DST: variants seen among roughly 807,000 people sequenced by gnomAD.
DST encodes the protein dystonin, also known as bullous pemphigoid antigen.
DST carries 253 observed loss-of-function variants against 875.2 expected under a neutral mutation model. The observed-to-expected ratio is 0.29, with a 90% CI of 0.26 to 0.32. The LOEUF (loss-of-function observed/expected upper bound fraction) is 0.32. Ranked by LOEUF, DST falls within the 10% of genes least tolerant of loss-of-function variation. The pLI is 1.00. For synonymous variants in DST, 3,124 were observed against 3,197.1 expected (o/e 0.98, Z 0.77); for missense variants, 8,287 against 9,111.6 (o/e 0.91, Z 3.68).
intron 103 of DST, 66 bp from the exon 104 acceptor site, chr6:56,459,333 C>T: frequency 6.7e-7 from 1 of 1,485,928 alleles, no homozygotes. Context: ...ATTTTTGAAA[C>T]CCGATGCCAC....
Position 56,536,647 on chromosome 6 carries a change from T to C in DST, c.16770+132A>G, listed in dbSNP as rs73749980. 2.9e-3 allele frequency: 2,650 copies of C among 915,550 alleles called. 54 individuals are homozygous for C. The African/African-American group carries it at 0.042, about 14-fold the overall frequency. The allele number at this position is 915,550 out of a possible 1,614,324, so 56.7% of individuals were successfully genotyped here. A position where few individuals can be genotyped will look rare whatever the true frequency, so the allele number is the denominator to read the frequency against. On this transcript the variant is annotated intron_variant, in intron 62 of 103. Coordinates refer to ENST00000680361, the MANE Select transcript of DST (RefSeq NM_001374736.1). ...CCAGTAGGCATCTGAGTTTGAGCCA[T>C]CCAGTTTACAGTAATATAAAACAGT...
intron 10 of DST, among the ~76,000 whole-genome samples, chr6:56,670,115 T>C (rs886844058): frequency 2.1e-5 from 3 of 145,560 alleles, no homozygotes; most frequent in Non-Finnish European, 4.5e-5. Context: ...ATTACAGCTG[T>C]GTGTGCGAGC....
intron 88 of DST, chr6:56,483,651 T>C (rs1214735741): frequency 6.6e-6 from 1 of 151,360 alleles, no homozygotes; most frequent in Non-Finnish European, 1.5e-5. Flanking sequence ...GCTCTTTATT[T>C]TTGATCCAAG....
At chr6:56,946,120 G>A (rs1271591342) in intron 2 of DST, among the ~76,000 whole-genome samples, 1 of 152,134 alleles carries the variant, frequency 6.6e-6, no homozygotes, top group African/African-American at 2.4e-5. Flanking sequence ...CAAGTTATAA[G>A]TAGGAAGAGG....
intron 2 of DST, among the ~76,000 whole-genome samples, chr6:56,932,226 G>A (rs949937122): frequency 6.6e-6 from 1 of 152,112 alleles, no homozygotes; most frequent in Non-Finnish European, 1.5e-5. Context: ...TTTATGGGGG[G>A]TTTCTGCTTT....
intron 44 of DST, 97 bp from the exon 45 acceptor site, chr6:56,600,318 C>G: frequency 8.3e-7 from 1 of 1,199,734 alleles, no homozygotes. Flanking sequence ...CAAGTTTTGT[C>G]TAATAAGCTT....
intron 5 of DST, among the ~76,000 whole-genome samples, chr6:56,732,520 C>A (rs2099504671): frequency 6.6e-6 from 1 of 152,050 alleles, no homozygotes; most frequent in Non-Finnish European, 1.5e-5. Flanking sequence ...ACAAAAGAAA[C>A]TGTATCGAAG....
chr6:56,856,016 T>A (rs1231562574), intron 3 of DST, among the ~76,000 whole-genome samples: 1 of 152,214 alleles, frequency 6.6e-6, no homozygotes, highest in African/African-American at 2.4e-5. Flanking sequence ...GGACCTACTA[T>A]ATTGTGTCTT....
chr6:56,597,833 C>T lies in DST; in HGVS notation c.12102G>A (p.Glu4034=), dbSNP rs966358624. ...CCAACAGGTTACCATTAACTTCATC[C>T]TCTTCTCCAATTGCTGACTTGCCAT... The part of the protein sequence containing the change: ...EGDGKSAIGE[E]DEVNGNLLET... Residue 4034 remains glutamate, a synonymous_variant, in exon 47 of 104, where the codon GAG becomes GAA. Coordinates refer to ENST00000680361, the MANE Select transcript of DST (RefSeq NM_001374736.1). The T allele has an allele frequency of 1.2e-6, 2 of 1,613,826 alleles. No individual in the cohort carries two copies. The highest frequency in any genetic ancestry group is 2.7e-5 in the African/African-American group (2 of 74,928).
intron 5 of DST, among the ~76,000 whole-genome samples, chr6:56,719,007 A>T (rs2152905943): frequency 6.6e-6 from 1 of 152,294 alleles, no homozygotes; most frequent in Non-Finnish European, 1.5e-5. Context: ...ATTTACTAAA[A>T]ATTGTTCAAT....
rs138258614 is a variant in DST, at chr6:56,791,469, T to A, written c.626-56180A>T. Among the ~76,000 whole-genome samples the A allele has an allele frequency of 2.0e-5, 3 of 152,064 alleles. No homozygotes were observed. The East Asian group carries it at 5.8e-4, about 29-fold the overall frequency. On this transcript the variant is annotated intron_variant, in intron 4 of 103. Coordinates refer to ENST00000680361, the MANE Select transcript of DST (RefSeq NM_001374736.1). ...CAGTATCAAATTTGAATAGCGAATA[T>A]CAGTAATAAATGTATGATTTAAAAA...
intron 36 of DST, chr6:56,616,519 G>A (rs1314605306): frequency 1.2e-6 from 2 of 1,613,960 alleles, no homozygotes; most frequent in African/African-American, 1.3e-5. Context: ...GAAAGCATTG[G>A]GACTCTACAT....
intron 10 of DST, among the ~76,000 whole-genome samples, chr6:56,668,869 T>C (rs1401094952): frequency 6.8e-6 from 1 of 147,700 alleles, no homozygotes. Context: ...ATTTCCAAAA[T>C]AAAAAGGGAG....
In DST at chr6:56,786,036, G is replaced by A. The variant is rs2099704726; in HGVS notation, c.626-50747C>T. 2.0e-5 allele frequency among the ~76,000 whole-genome samples: 3 copies of A among 152,118 alleles called. No individual in the cohort carries two copies. In the South Asian group the frequency reaches 6.2e-4, roughly 32 times the overall value. The stretch of plus-strand genomic sequence containing the variant: ...TTGTATTATAGTTAACTCTCTGAGG[G>A]CTCATTTTCATGTCCCCAGCACCTA... On this transcript the variant is annotated intron_variant, in intron 4 of 103. Coordinates refer to ENST00000680361, the MANE Select transcript of DST (RefSeq NM_001374736.1).
intron 3 of DST, among the ~76,000 whole-genome samples, chr6:56,881,241 G>A (rs538737034): frequency 4.1e-4 from 63 of 152,198 alleles, no homozygotes; most frequent in African/African-American, 1.5e-3. Context: ...TTGGGAGGCC[G>A]ATGGGGGCAG....
At chr6:56,525,979 C>G (rs572639533) in intron 69 of DST, among the ~76,000 whole-genome samples, 1 of 152,220 alleles carries the variant, frequency 6.6e-6, no homozygotes, top group Non-Finnish European at 1.5e-5. Context: ...ACAGTTAATA[C>G]TGACTTACAT....
intron 5 of DST, among the ~76,000 whole-genome samples, chr6:56,719,719 C>CA: frequency 1.3e-5 from 2 of 152,232 alleles, no homozygotes; most frequent in Middle Eastern, 6.8e-3. Context: ...AATAAAGGGA[C>CA]AGAGTACAAA....
chr6:56,728,443 C>T (rs965475877), intron 5 of DST, among the ~76,000 whole-genome samples: 2 of 152,168 alleles, frequency 1.3e-5, no homozygotes, highest in African/African-American at 2.4e-5. Context: ...GTGGCTCACA[C>T]CTATAATCCC....
chr6:56,798,804 T>G (rs988301514), intron 4 of DST, among the ~76,000 whole-genome samples: 1 of 152,092 alleles, frequency 6.6e-6, no homozygotes, highest in Non-Finnish European at 1.5e-5. Flanking sequence ...TCATGATTCA[T>G]GGGAGGAGGT....
Sources: allele counts gnomAD v4.1 joint callset (sites outside exome capture counted in the v4.1 genomes callset), GRCh38; gene constraint gnomAD v4.1.1; transcripts MANE v1.5; gene names NCBI Gene and HGNC (gene_info 2026-07-23, HGNC 2026-07-21).